DIP2C: variants seen among roughly 807,000 people sequenced by gnomAD.
DIP2C encodes DIP2 acetate--CoA ligase C (putative).
Under a neutral mutation model 192.4 loss-of-function variants are expected in DIP2C, and 33 were observed. That is an observed-to-expected ratio of 0.17 (90% CI 0.13 to 0.23). The LOEUF (loss-of-function observed/expected upper bound fraction) is 0.23. Ranked by LOEUF, DIP2C falls within the 10% of genes least tolerant of loss-of-function variation. The probability of loss-of-function intolerance (pLI) is 1.00; values close to 1 mark genes in which losing one functional copy is unlikely to be tolerated. For missense variants in DIP2C, 1,537 were observed against 2,110.1 expected (o/e 0.73, Z 5.32); for synonymous variants, 979 against 864.1 (o/e 1.13, Z -2.33).
chr10:532,272 C>T (rs1188723530), intron 1 of DIP2C, among the ~76,000 whole-genome samples: 1 of 152,126 alleles, frequency 6.6e-6, no homozygotes, highest in Non-Finnish European at 1.5e-5. Flanking sequence ...CCTGCCCCCA[C>T]CTCCACCCCC....
At chr10:489,039 G>A (rs1004796244) in intron 1 of DIP2C, among the ~76,000 whole-genome samples, 1 of 152,142 alleles carries the variant, frequency 6.6e-6, no homozygotes, top group Admixed American at 6.5e-5. Flanking sequence ...GGAAACTTAC[G>A]ATGATTCTAT....
chr10:517,177 C>T (rs1345576550), intron 1 of DIP2C, among the ~76,000 whole-genome samples: 1 of 152,140 alleles, frequency 6.6e-6, no homozygotes, highest in Non-Finnish European at 1.5e-5. Context: ...CCCATCCAGC[C>T]AAGCCCCTTC....
At chr10:511,546 C>T (rs1409938435) in intron 1 of DIP2C, among the ~76,000 whole-genome samples, 1 of 152,140 alleles carries the variant, frequency 6.6e-6, no homozygotes, top group Non-Finnish European at 1.5e-5. Flanking sequence ...AAAAATAACA[C>T]GTCTTCCAGG....
intron 1 of DIP2C, among the ~76,000 whole-genome samples, chr10:614,388 C>T (rs961959781): frequency 5.3e-5 from 8 of 152,270 alleles, no homozygotes; most frequent in East Asian, 1.9e-4. Flanking sequence ...TGTCTGCACA[C>T]AGTACCCAAG....
intron 1 of DIP2C, among the ~76,000 whole-genome samples, chr10:519,522 C>T (rs1438658041): frequency 6.6e-6 from 1 of 152,210 alleles, no homozygotes; most frequent in African/African-American, 2.4e-5. Context: ...GACCTCCATC[C>T]TGGTGGGAAA....
At chr10:609,754 A>AT (rs1013265426) in intron 1 of DIP2C, among the ~76,000 whole-genome samples, 2 of 152,176 alleles carry the variant, frequency 1.3e-5, no homozygotes, top group African/African-American at 2.4e-5. Flanking sequence ...GGTCAAAAGC[A>AT]TTTTTTAAGA....
chr10:337,077 G>GTGTTGTA, intron 29 of DIP2C, among the ~76,000 whole-genome samples: 1 of 37,474 alleles, frequency 2.7e-5, no homozygotes, highest in Non-Finnish European at 5.8e-5. Flanking sequence ...TGTGTGTTGT[G>GTGTTGTA]GAGGCCTAGA....
At chr10:420,849 T>A (rs546785677) in intron 5 of DIP2C, among the ~76,000 whole-genome samples, 284 of 152,274 alleles carry the variant, frequency 1.9e-3, no homozygotes, top group African/African-American at 6.0e-3. Context: ...ACAAGCAGCC[T>A]CTGCAGCCTC....
At chr10:489,956 C>G (rs1238925278) in intron 1 of DIP2C, among the ~76,000 whole-genome samples, 1 of 25,666 alleles carries the variant, frequency 3.9e-5, no homozygotes, top group African/African-American at 1.2e-4. Context: ...GTGGCTCTGA[C>G]AGTGCCCGAG....
chr10:620,282 A>G (rs940025932), intron 1 of DIP2C, among the ~76,000 whole-genome samples: 4 of 152,182 alleles, frequency 2.6e-5, no homozygotes, highest in Non-Finnish European at 4.4e-5. Context: ...TCAAGCTACA[A>G]CTATCAATGT....
At chr10:408,424 A>T (rs1964962334) in intron 9 of DIP2C, among the ~76,000 whole-genome samples, 1 of 152,356 alleles carries the variant, frequency 6.6e-6, no homozygotes, top group South Asian at 2.1e-4. Context: ...TCAATAAAAA[A>T]TGGGAAAGAA....
At chr10:377,128 C>T (rs897222726) in intron 17 of DIP2C, among the ~76,000 whole-genome samples, 3 of 148,908 alleles carry the variant, frequency 2.0e-5, no homozygotes, top group Non-Finnish European at 4.4e-5. Flanking sequence ...CCTCACCCAC[C>T]CTGTGCAGCG....
intron 1 of DIP2C, among the ~76,000 whole-genome samples, chr10:487,232 A>G (rs1263519566): frequency 4.6e-5 from 7 of 152,212 alleles, no homozygotes; most frequent in Admixed American, 4.6e-4. Context: ...TCCAGCACAC[A>G]CAGAATACTC....
intron 28 of DIP2C, among the ~76,000 whole-genome samples, chr10:343,470 C>T (rs377165750): frequency 6.6e-6 from 1 of 152,202 alleles, no homozygotes; most frequent in African/African-American, 2.4e-5. Flanking sequence ...CACTGTAAAA[C>T]GTTCCATCAC....
At chr10:580,465 A>C (rs1430111800) in intron 1 of DIP2C, among the ~76,000 whole-genome samples, 1 of 152,162 alleles carries the variant, frequency 6.6e-6, no homozygotes, top group Non-Finnish European at 1.5e-5. Flanking sequence ...ATGTACACAT[A>C]TGCAGTACAG....
At chr10:443,058 A>G (rs569556464) in intron 3 of DIP2C, among the ~76,000 whole-genome samples, 6 of 152,352 alleles carry the variant, frequency 3.9e-5, no homozygotes, top group Admixed American at 6.5e-5. Context: ...GGGATACCGC[A>G]GAAGTCTGTC....
At chr10:551,843 C>G (rs1042583765) in intron 1 of DIP2C, among the ~76,000 whole-genome samples, 4 of 152,232 alleles carry the variant, frequency 2.6e-5, no homozygotes, top group African/African-American at 9.6e-5. Flanking sequence ...TGAAATGCGG[C>G]TGTGGACTCC....
chr10:606,607 C>T (rs816604), intron 1 of DIP2C, among the ~76,000 whole-genome samples: 145,761 of 150,100 alleles, frequency 0.97, 70,880 homozygotes, highest in East Asian at 1. Flanking sequence ...TGCTGTGATC[C>T]GAATTCTCAT....
intron 1 of DIP2C, among the ~76,000 whole-genome samples, chr10:574,061 C>G (rs1849993093): frequency 6.6e-6 from 1 of 152,208 alleles, no homozygotes. Context: ...TTGAAGAAAA[C>G]TGCATAGCAG....
Sources: allele counts gnomAD v4.1 joint callset (sites outside exome capture counted in the v4.1 genomes callset), GRCh38; gene constraint gnomAD v4.1.1; transcripts MANE v1.5; gene names NCBI Gene and HGNC (gene_info 2026-07-23, HGNC 2026-07-21).